Variants in DPP10 observed in about 807,000 individuals in gnomAD.
The protein encoded by DPP10 is dipeptidyl peptidase like 10, also known as inactive dipeptidyl peptidase 10.
Under a neutral mutation model 120.9 loss-of-function variants are expected in DPP10, and 33 were observed. The ratio of observed to expected loss-of-function variants is 0.27; its 90% confidence interval spans 0.21 to 0.37. The LOEUF (loss-of-function observed/expected upper bound fraction) is 0.37, where lower values mean the gene tolerates loss of function less well. Ranked by LOEUF, DPP10 falls within the 10% of genes least tolerant of loss-of-function variation. The probability of loss-of-function intolerance (pLI) is 1.00; values close to 1 mark genes in which losing one functional copy is unlikely to be tolerated. For missense variants in DPP10, 816 were observed against 942.8 expected (o/e 0.87, Z 1.76); for synonymous variants, 337 against 326.1 (o/e 1.03, Z -0.36).
At chr2:115,104,774 G>C (rs1332666772) in intron 1 of DPP10, among the ~76,000 whole-genome samples, 1 of 152,190 alleles carries the variant, frequency 6.6e-6, no homozygotes, top group South Asian at 2.1e-4. Context: ...CTGGGAGGCC[G>C]AGGCGGGTGG....
chr2:115,678,760 G>A (rs2090453406), intron 5 of DPP10, among the ~76,000 whole-genome samples: 1 of 152,326 alleles, frequency 6.6e-6, no homozygotes, highest in East Asian at 1.9e-4. Flanking sequence ...CTCAACACCA[G>A]CCCATGAAAG....
intron 10 of DPP10, among the ~76,000 whole-genome samples, chr2:115,748,434 G>A (rs960309784): frequency 4.6e-5 from 7 of 151,416 alleles, no homozygotes; most frequent in African/African-American, 9.7e-5. Context: ...TAATAAAATC[G>A]CCAAAATGAC....
chr2:114,671,379 C>T (rs1040921029), intron 1 of DPP10, among the ~76,000 whole-genome samples: 1 of 152,096 alleles, frequency 6.6e-6, no homozygotes, highest in Non-Finnish European at 1.5e-5. Context: ...CTCCTCCTAA[C>T]CTCATGTTGA....
At chr2:115,265,726 A>G (rs1404219980) in intron 1 of DPP10, among the ~76,000 whole-genome samples, 1 of 152,140 alleles carries the variant, frequency 6.6e-6, no homozygotes, top group Non-Finnish European at 1.5e-5. Flanking sequence ...GGGCAGCTAC[A>G]CATATCTCCA....
chr2:115,809,505 CA>C, intron 19 of DPP10, among the ~76,000 whole-genome samples: 1 of 152,216 alleles, frequency 6.6e-6, no homozygotes, highest in East Asian at 1.9e-4. Flanking sequence ...TTGTTCTTTG[CA>C]TATTGTTTCC....
chr2:114,705,935 T>C (rs1023036376), intron 1 of DPP10, among the ~76,000 whole-genome samples: 9 of 152,214 alleles, frequency 5.9e-5, no homozygotes, highest in African/African-American at 2.2e-4. Context: ...TCTCTCATGG[T>C]AGCAAAGTAG....
At chr2:115,664,393 G>A (rs1377215705) in intron 5 of DPP10, among the ~76,000 whole-genome samples, 2 of 151,920 alleles carry the variant, frequency 1.3e-5, no homozygotes, top group Admixed American at 6.6e-5. Context: ...ATCTAAGTAT[G>A]GATATGGGTT....
chr2:114,523,282 T>C (rs898776711), intron 1 of DPP10, among the ~76,000 whole-genome samples: 4 of 152,208 alleles, frequency 2.6e-5, no homozygotes, highest in African/African-American at 9.7e-5. Context: ...AGTCATTGAC[T>C]GCAGGCTGTT....
intron 13 of DPP10, among the ~76,000 whole-genome samples, chr2:115,773,316 T>G (rs915001251): frequency 1.1e-4 from 17 of 152,154 alleles, no homozygotes; most frequent in Non-Finnish European, 2.5e-4. Context: ...ATACCCAATG[T>G]GTTTCCAATT....
At chr2:115,440,154 T>C (rs997525987) in intron 3 of DPP10, among the ~76,000 whole-genome samples, 6 of 151,902 alleles carry the variant, frequency 3.9e-5, no homozygotes, top group Non-Finnish European at 7.4e-5. Context: ...TATGTGTGTG[T>C]GCGTGTGTGT....
At chr2:115,404,145 G>A (rs1032697214) in intron 3 of DPP10, among the ~76,000 whole-genome samples, 2 of 152,102 alleles carry the variant, frequency 1.3e-5, no homozygotes, top group African/African-American at 2.4e-5. Context: ...CAGGCTGTAC[G>A]TAAAGCATGA....
chr2:115,067,840 C>T (rs1421569810), intron 1 of DPP10, among the ~76,000 whole-genome samples: 10 of 125,312 alleles, frequency 8.0e-5, no homozygotes, highest in Admixed American at 4.1e-4. Context: ...CCAGCCTGGG[C>T]GACACAGCAA....
chr2:115,521,786 A>T (rs1464600021), intron 4 of DPP10, among the ~76,000 whole-genome samples: 3 of 152,140 alleles, frequency 2.0e-5, no homozygotes, highest in African/African-American at 7.2e-5. Flanking sequence ...TGCCAAGGTA[A>T]TAGTTCTAAA....
intron 1 of DPP10, among the ~76,000 whole-genome samples, chr2:115,104,601 T>C (rs1036738815): frequency 6.6e-6 from 1 of 152,184 alleles, no homozygotes; most frequent in African/African-American, 2.4e-5. Context: ...GTCTGTGTTT[T>C]TTCCTTTGCC....
chr2:115,840,770 T>G lies in DPP10; in HGVS notation c.2203T>G (p.Ser735Ala). The G allele has an allele frequency of 6.2e-7, 1 of 1,613,826 alleles. No individual in the cohort carries two copies. The highest frequency in any genetic ancestry group is 8.5e-7 in the Non-Finnish European group (1 of 1,179,890). ...TGCAGCAAAAGTTCATTTCCAACAC[T>G]CAGCAGAATTAATCAAGCACCTAAT... ...TADTKVHFQHSAELIKHLIKA... is the reference protein window; with the variant it reads ...TADTKVHFQHAAELIKHLIKA... Residue 735 changes from serine to alanine, a missense_variant, in exon 25 of 26, where the codon TCA (serine) becomes GCA (alanine). By Grantham distance (99) the Ser-to-Ala change is moderately conservative (BLOSUM62 1). Transcript: ENST00000410059.
At chr2:115,313,438 T>C (rs1408288943) in intron 2 of DPP10, among the ~76,000 whole-genome samples, 1 of 152,194 alleles carries the variant, frequency 6.6e-6, no homozygotes, top group Non-Finnish European at 1.5e-5. Flanking sequence ...ATGCCTTGTT[T>C]AGTGACAAAT....
intron 3 of DPP10, among the ~76,000 whole-genome samples, chr2:115,355,813 A>G (rs2064343118): frequency 6.6e-6 from 1 of 152,098 alleles, no homozygotes; most frequent in Non-Finnish European, 1.5e-5. Context: ...TGAATAGGAG[A>G]TCCTTTCCCC....
intron 1 of DPP10, among the ~76,000 whole-genome samples, chr2:115,081,686 A>C (rs888405476): frequency 1.3e-5 from 2 of 152,186 alleles, no homozygotes; most frequent in African/African-American, 4.8e-5. Flanking sequence ...TGACATGATG[A>C]ATATTCTTTT....
At chr2:114,561,177 A>G (rs988650596) in intron 1 of DPP10, among the ~76,000 whole-genome samples, 1 of 152,162 alleles carries the variant, frequency 6.6e-6, no homozygotes, top group African/African-American at 2.4e-5. Flanking sequence ...CCTCATCCGC[A>G]ATCCACATGT....
Sources: allele counts gnomAD v4.1 joint callset (sites outside exome capture counted in the v4.1 genomes callset), GRCh38; gene constraint gnomAD v4.1.1; transcripts MANE v1.5; gene names NCBI Gene and HGNC (gene_info 2026-07-23, HGNC 2026-07-21).